The following FHIT variants were observed in gnomAD, a reference collection of about 807,000 sequenced individuals.
The protein encoded by FHIT is fragile histidine triad diadenosine triphosphatase, also known as bis(5'-adenosyl)-triphosphatase.
Under a neutral mutation model 17.9 loss-of-function variants are expected in FHIT, and 19 were observed. The observed-to-expected ratio is 1.06, with a 90% CI of 0.74 to 1.56. The LOEUF (loss-of-function observed/expected upper bound fraction) is 1.56, where lower values mean the gene tolerates loss of function less well. Among genes scored for constraint, FHIT ranks in the 40% most tolerant of loss-of-function variants. The pLI is 0.00. For synonymous variants in FHIT, 81 were observed against 69.7 expected, an observed-to-expected ratio of 1.16 and a Z score of -0.81; for missense variants, 248 against 189.2, an observed-to-expected ratio of 1.31 and a Z score of -1.82.
chr3:60,546,914 T>A (rs1435052548), intron 4 of FHIT, among the ~76,000 whole-genome samples: 2 of 152,220 alleles, frequency 1.3e-5, no homozygotes, highest in African/African-American at 4.8e-5. Flanking sequence ...TCTTTTTTAA[T>A]TGTGGTAAAA....
chr3:60,450,789 T>G (rs1169290318), intron 5 of FHIT, among the ~76,000 whole-genome samples: 1 of 152,138 alleles, frequency 6.6e-6, no homozygotes. Flanking sequence ...ACAAAAACCA[T>G]GTTTTCAAGA....
chr3:59,754,932 G>C (rs1455506382), intron 8 of FHIT, among the ~76,000 whole-genome samples: 1 of 151,762 alleles, frequency 6.6e-6, no homozygotes, highest in African/African-American at 2.4e-5. Context: ...TAATCATCTA[G>C]GAAGCTTTAA....
chr3:60,854,045 G>C (rs545281515), intron 3 of FHIT, among the ~76,000 whole-genome samples: 3 of 152,028 alleles, frequency 2.0e-5, no homozygotes, highest in Non-Finnish European at 2.9e-5. Context: ...TAATACCCAG[G>C]TTGAAGGAAG....
intron 7 of FHIT, among the ~76,000 whole-genome samples, chr3:59,976,379 A>T (rs766974441): frequency 6.6e-6 from 1 of 152,120 alleles, no homozygotes; most frequent in Non-Finnish European, 1.5e-5. Flanking sequence ...GCAAATCAGC[A>T]TACTTTTCAA....
chr3:61,057,071 C>A (rs942287060), intron 2 of FHIT, among the ~76,000 whole-genome samples: 1 of 152,226 alleles, frequency 6.6e-6, no homozygotes, highest in Non-Finnish European at 1.5e-5. Flanking sequence ...TAGGCTAACA[C>A]AAACATGACA....
intron 8 of FHIT, among the ~76,000 whole-genome samples, chr3:59,911,161 A>G (rs1704854192): frequency 1.3e-5 from 2 of 152,178 alleles, no homozygotes; most frequent in Non-Finnish European, 2.9e-5. Context: ...AACTCATTTG[A>G]TGGCTACATA....
At chr3:60,474,677 G>A (rs1179204620) in intron 5 of FHIT, among the ~76,000 whole-genome samples, 2 of 151,216 alleles carry the variant, frequency 1.3e-5, no homozygotes, top group African/African-American at 4.9e-5. Flanking sequence ...AGGCTGGAGT[G>A]CAGTGGCACA....
chr3:60,198,912 TTAAAC>T (rs1288223094), intron 5 of FHIT, among the ~76,000 whole-genome samples: 1 of 152,136 alleles, frequency 6.6e-6, no homozygotes, highest in African/African-American at 2.4e-5. Context: ...AGAACAAAAT[TTAAAC>T]TAAGTGGAGC....
chr3:60,936,674 G>C (rs1254952023), intron 3 of FHIT, among the ~76,000 whole-genome samples: 1 of 152,108 alleles, frequency 6.6e-6, no homozygotes, highest in Admixed American at 6.6e-5. Flanking sequence ...TAGAGCTAGT[G>C]TGTCTGGTGA....
intron 2 of FHIT, among the ~76,000 whole-genome samples, chr3:61,142,737 A>G (rs556494378): frequency 6.6e-6 from 1 of 152,378 alleles, no homozygotes; most frequent in Non-Finnish European, 1.5e-5. Context: ...CTCTTAAGCC[A>G]TGCCATTATC....
chr3:60,843,149 G>C (rs1553745572), intron 3 of FHIT, among the ~76,000 whole-genome samples: 2 of 152,214 alleles, frequency 1.3e-5, no homozygotes, highest in East Asian at 3.9e-4. Context: ...AAACTCCCCA[G>C]GCAATGTGAA....
intron 5 of FHIT, among the ~76,000 whole-genome samples, chr3:60,161,595 G>C (rs761644994): frequency 2.6e-5 from 4 of 152,106 alleles, no homozygotes; most frequent in Non-Finnish European, 5.9e-5. Flanking sequence ...AGTGTGCTTA[G>C]GGGATAGGAC....
chr3:61,219,139 G>A (rs1022134297), intron 1 of FHIT, among the ~76,000 whole-genome samples: 1 of 152,086 alleles, frequency 6.6e-6, no homozygotes, highest in African/African-American at 2.4e-5. Context: ...AAGTATTTGT[G>A]TATCTAAACA....
chr3:60,194,658 G>A (rs1323286134), intron 5 of FHIT, among the ~76,000 whole-genome samples: 1 of 152,000 alleles, frequency 6.6e-6, no homozygotes, highest in African/African-American at 2.4e-5. Flanking sequence ...CCACAGAATG[G>A]GTGAAAATAT....
chr3:59,890,106 G>A (rs1264890989), intron 8 of FHIT, among the ~76,000 whole-genome samples: 1 of 152,188 alleles, frequency 6.6e-6, no homozygotes, highest in Non-Finnish European at 1.5e-5. Context: ...GAGATGGGAT[G>A]ATATTAACTA....
intron 3 of FHIT, among the ~76,000 whole-genome samples, chr3:60,936,744 C>T (rs1708205878): frequency 6.6e-6 from 1 of 152,044 alleles, no homozygotes; most frequent in African/African-American, 2.4e-5. Context: ...AAATTGAACT[C>T]CCCTTGCATA....
intron 3 of FHIT, among the ~76,000 whole-genome samples, chr3:60,926,782 G>A (rs1479942744): frequency 7.9e-5 from 12 of 152,080 alleles, no homozygotes; most frequent in Non-Finnish European, 1.5e-5. Flanking sequence ...TTTTTGAAAA[G>A]ATCAACAAAA....
chr3:61,052,685 C>T (rs1318922468), intron 2 of FHIT, among the ~76,000 whole-genome samples: 1 of 152,134 alleles, frequency 6.6e-6, no homozygotes, highest in Admixed American at 6.5e-5. Context: ...AATTTATATG[C>T]TTATTTTGTT....
At chr3:59,784,678 C>G (rs1702757315) in intron 8 of FHIT, among the ~76,000 whole-genome samples, 1 of 152,186 alleles carries the variant, frequency 6.6e-6, no homozygotes, top group African/African-American at 2.4e-5. Context: ...TCCTTGTGCT[C>G]TCTCCTAGAG....
Sources: allele counts gnomAD v4.1 joint callset (sites outside exome capture counted in the v4.1 genomes callset), GRCh38; gene constraint gnomAD v4.1.1; transcripts MANE v1.5; gene names NCBI Gene and HGNC (gene_info 2026-07-23, HGNC 2026-07-21).